LRRC4C: variants seen among roughly 807,000 people sequenced by gnomAD.
The protein encoded by LRRC4C is leucine rich repeat containing 4C, also known as leucine-rich repeat-containing protein 4C.
LRRC4C carries 5 observed loss-of-function variants against 33.6 expected under a neutral mutation model. The ratio of observed to expected loss-of-function variants is 0.15; its 90% CI spans 0.08 to 0.31. The LOEUF is 0.31. Among genes scored for constraint, LRRC4C ranks in the 10% least tolerant of loss-of-function variants. LRRC4C has a pLI of 1.00. For synonymous variants in LRRC4C, 329 were observed against 302.0 expected (o/e 1.09, Z -0.93); for missense variants, 560 against 796.7 (o/e 0.70, Z 3.58).
At chr11:41,108,278 T>A (rs1486131067) in intron 1 of LRRC4C, among the ~76,000 whole-genome samples, 1 of 152,120 alleles carries the variant, frequency 6.6e-6, no homozygotes. Context: ...TTTTCACTTG[T>A]CATGTAGTAT....
At chr11:40,268,650 G>T (rs1200791759) in intron 4 of LRRC4C, among the ~76,000 whole-genome samples, 1 of 151,404 alleles carries the variant, frequency 6.6e-6, no homozygotes, top group African/African-American at 2.4e-5. Flanking sequence ...CGTAGCACTG[G>T]TAAAAAAAAA....
intron 1 of LRRC4C, among the ~76,000 whole-genome samples, chr11:41,177,618 A>G (rs995697431): frequency 3.3e-5 from 5 of 152,184 alleles, no homozygotes; most frequent in Non-Finnish European, 7.3e-5. Flanking sequence ...CTTCATTTGG[A>G]TGAGTCAATT....
At chr11:41,209,690 A>G (rs1023137839) in intron 1 of LRRC4C, among the ~76,000 whole-genome samples, 1 of 152,004 alleles carries the variant, frequency 6.6e-6, no homozygotes, top group African/African-American at 2.4e-5. Context: ...TGGATTTGGA[A>G]TTGATGCTAG....
At chr11:41,107,441 G>T (rs1447283375) in intron 1 of LRRC4C, among the ~76,000 whole-genome samples, 1 of 151,934 alleles carries the variant, frequency 6.6e-6, no homozygotes, top group Non-Finnish European at 1.5e-5. Context: ...ATTTTTCATA[G>T]CAAGTGAAAT....
chr11:41,199,475 C>T (rs1946318274), intron 1 of LRRC4C, among the ~76,000 whole-genome samples: 1 of 152,056 alleles, frequency 6.6e-6, no homozygotes, highest in Admixed American at 6.6e-5. Flanking sequence ...TTTCTGAGCA[C>T]TTCCATGTGC....
intron 5 of LRRC4C, among the ~76,000 whole-genome samples, chr11:40,163,127 G>A (rs1376184403): frequency 1.3e-5 from 2 of 152,200 alleles, no homozygotes; most frequent in Non-Finnish European, 2.9e-5. Context: ...GTCCCCTTAA[G>A]CCATTGCTTG....
chr11:40,713,730 T>A (rs959819900), intron 2 of LRRC4C, among the ~76,000 whole-genome samples: 1 of 152,212 alleles, frequency 6.6e-6, no homozygotes, highest in African/African-American at 2.4e-5. Flanking sequence ...TAAATCTGTC[T>A]TTAATTATAT....
At chr11:40,833,515 A>C (rs1291889319) in intron 2 of LRRC4C, among the ~76,000 whole-genome samples, 2 of 152,154 alleles carry the variant, frequency 1.3e-5, no homozygotes, top group Non-Finnish European at 2.9e-5. Flanking sequence ...TCTGGAGTTC[A>C]TTAGATCCTT....
chr11:40,399,238 G>A (rs1422924458), intron 3 of LRRC4C, among the ~76,000 whole-genome samples: 5 of 152,128 alleles, frequency 3.3e-5, no homozygotes, highest in African/African-American at 1.2e-4. Context: ...GCACACGTAT[G>A]TTTATTGTGG....
chr11:40,826,436 A>C (rs2135510256), intron 2 of LRRC4C, among the ~76,000 whole-genome samples: 1 of 152,100 alleles, frequency 6.6e-6, no homozygotes, highest in Non-Finnish European at 1.5e-5. Flanking sequence ...AATAAGCAGA[A>C]GCACAAAGTC....
chr11:40,157,680 G>C (rs1204399770), intron 5 of LRRC4C, among the ~76,000 whole-genome samples: 1 of 152,128 alleles, frequency 6.6e-6, no homozygotes, highest in Admixed American at 6.5e-5. Context: ...TTAATGATCA[G>C]GGAAATGCAA....
rs968534945 is a variant in LRRC4C, at chr11:40,966,427, C to T, written c.-495-32704G>A. On this transcript the variant is annotated intron_variant, in intron 1 of 6. Coordinates refer to ENST00000528697, the MANE Select transcript of LRRC4C (RefSeq NM_001258419.2). ...TTACATATGGGGCTAAGTGAGCTGA[C>T]CAAGGCACCTATCTTTTATATGACA... Among the ~76,000 whole-genome samples the T allele has an allele frequency of 2.6e-5, 4 of 151,956 alleles. No individual in the cohort carries two copies. In the East Asian group the frequency reaches 7.8e-4, roughly 30 times the overall value.
At chr11:40,444,317 A>AT (rs5791381) in intron 3 of LRRC4C, among the ~76,000 whole-genome samples, 53,411 of 147,976 alleles carry the variant, frequency 0.36, 10,180 homozygotes, top group East Asian at 0.53. Context: ...CTGCCTTAAC[A>AT]TTTTTTTTAA....
intron 3 of LRRC4C, among the ~76,000 whole-genome samples, chr11:40,532,767 G>A (rs1422380848): frequency 6.6e-6 from 1 of 152,102 alleles, no homozygotes; most frequent in African/African-American, 2.4e-5. Context: ...ATCAGCTGGT[G>A]TATTAATCCA....
At chr11:41,318,120 G>T (rs1405766606) in intron 1 of LRRC4C, among the ~76,000 whole-genome samples, 1 of 152,062 alleles carries the variant, frequency 6.6e-6, no homozygotes, top group Admixed American at 6.5e-5. Context: ...ATCAAGTTAT[G>T]AAACAATATA....
chr11:40,153,844 G>T (rs762920756), intron 5 of LRRC4C, among the ~76,000 whole-genome samples: 1 of 152,118 alleles, frequency 6.6e-6, no homozygotes, highest in Non-Finnish European at 1.5e-5. Flanking sequence ...AGGAAGAAGA[G>T]AATTCTAAAA....
intron 2 of LRRC4C, among the ~76,000 whole-genome samples, chr11:40,758,833 C>G (rs901691634): frequency 2.6e-5 from 4 of 151,892 alleles, no homozygotes; most frequent in African/African-American, 9.7e-5. Context: ...AATTATTTAT[C>G]AAATTCCCTT....
intron 3 of LRRC4C, among the ~76,000 whole-genome samples, chr11:40,483,740 T>G (rs1386082444): frequency 6.6e-6 from 1 of 150,794 alleles, no homozygotes; most frequent in Admixed American, 6.7e-5. Flanking sequence ...GATTTTTAAA[T>G]GTAATTTAAT....
chr11:40,309,599 C>T (rs961589824), intron 4 of LRRC4C, among the ~76,000 whole-genome samples: 3 of 150,942 alleles, frequency 2.0e-5, no homozygotes, highest in African/African-American at 2.4e-5. Context: ...TCCACCTCTA[C>T]GACTCAAGTG....
Sources: allele counts gnomAD v4.1 joint callset (sites outside exome capture counted in the v4.1 genomes callset), GRCh38; gene constraint gnomAD v4.1.1; transcripts MANE v1.5; gene names NCBI Gene and HGNC (gene_info 2026-07-23, HGNC 2026-07-21).